Variants in EP300 observed in about 807,000 individuals in gnomAD.
EP300 encodes histone acetyltransferase p300.
Under a neutral mutation model 264.0 loss-of-function variants are expected in EP300, and 31 were observed. That is an observed-to-expected ratio of 0.12 (90% CI 0.09 to 0.16). EP300 has a LOEUF of 0.16. Ranked by LOEUF, EP300 falls within the 10% of genes least tolerant of loss-of-function variation. The pLI is 1.00. For missense variants in EP300, 2,766 were observed against 3,052.9 expected (o/e 0.91, Z 2.21); for synonymous variants, 1,340 against 1,045.4 (o/e 1.28, Z -5.44).
At chr22:41,097,851 T>C (rs1197929703) in intron 1 of EP300, among the ~76,000 whole-genome samples, 2 of 151,782 alleles carry the variant, frequency 1.3e-5, no homozygotes, top group South Asian at 2.1e-4. Context: ...CCTGCCACCA[T>C]GCCCAGCTAA....
chr22:41,129,952 T>A lies in EP300; in HGVS notation c.1231T>A (p.Cys411Ser), dbSNP rs1465737142. The A allele has an allele frequency of 6.2e-7, 1 of 1,614,058 alleles. No individual in the cohort carries two copies. The highest frequency in any genetic ancestry group is 1.7e-5 in the Admixed American group (1 of 60,010). ...SHWKNCTRHD[C>S]PVCLPLKNAG... ...CTGGAAGAATTGTACAAGACATGAT[T>A]GTCCTGTGTGTCTCCCCCTCAAAAA... The change falls in exon 5 of 31, where the codon TGT becomes AGT. Residue 411 changes from cysteine to serine, a missense_variant. Physicochemically the swap from Cys to Ser is moderately radical, Grantham distance 112 (BLOSUM62 -1). Transcript: ENST00000263253.
At chr22:41,160,767 C>G (rs753202579) in intron 20 of EP300, 45 bp downstream of exon 20, 1 of 1,544,380 alleles carries the variant, frequency 6.5e-7, no homozygotes, top group African/African-American at 1.4e-5. Context: ...AGTTTGTTGT[C>G]CAGTGATTAT....
At chr22:41,167,613 T>C (rs2059145192) in intron 23 of EP300, among the ~76,000 whole-genome samples, 2 of 50,824 alleles carry the variant, frequency 3.9e-5, no homozygotes, top group East Asian at 1.9e-3. Flanking sequence ...TATATATATA[T>C]ATATATATAT....
intron 2 of EP300, among the ~76,000 whole-genome samples, chr22:41,121,101 C>T (rs773394888): frequency 2.0e-5 from 3 of 152,096 alleles, no homozygotes; most frequent in Non-Finnish European, 4.4e-5. Context: ...GCCAGAAGTT[C>T]GAGATGTGCC....
chr22:41,157,110 T>G, intron 17 of EP300, 59 bp from the exon 18 acceptor site: 1 of 1,606,378 alleles, frequency 6.2e-7, no homozygotes, highest in Non-Finnish European at 8.5e-7. Flanking sequence ...TGGATGATAC[T>G]CCATCTCCCG....
At chr22:41,154,567 C>T (rs1441160630) in intron 16 of EP300, among the ~76,000 whole-genome samples, 3 of 151,656 alleles carry the variant, frequency 2.0e-5, no homozygotes, top group East Asian at 1.9e-4. Flanking sequence ...TTAGTAGAGA[C>T]GAGGTTTCAC....
chr22:41,125,729 G>A lies in EP300; in HGVS notation c.730-135G>A, dbSNP rs1374778818. On this transcript the variant is annotated intron_variant, in intron 2 of 30. Coordinates refer to ENST00000263253, the MANE Select transcript of EP300 (RefSeq NM_001429.4). ...GGGGTTTTGTCACGTTGCCCAAGCT[G>A]TAGTGTCTTTTCTAATAGAAGCTGA... 4.3e-6 allele frequency: 4 copies of A among 941,058 alleles called. No homozygotes were observed. The African/African-American group carries it at 5.0e-5, about 12-fold the overall frequency. The allele number at this position is 941,058 out of a possible 1,614,324, so 58.3% of individuals were successfully genotyped here.
chr22:41,178,256 T>C lies in EP300; in HGVS notation c.6545T>C (p.Ile2182Thr), dbSNP rs1443927819. 5 of 1,613,576 alleles carry C rather than the reference T, an allele frequency of 3.1e-6. No individual in the cohort carries two copies. The highest frequency in any genetic ancestry group is 4.2e-6 in the Non-Finnish European group (5 of 1,179,952). Residue 2182 changes from isoleucine to threonine, a missense_variant, in exon 31 of 31, where the codon ATC (isoleucine) becomes ACC (threonine). By Grantham distance (89) the Ile-to-Thr change is moderately conservative. Transcript: ENST00000263253. ...ACCATGCCTTCACAATTCCGAGACA[T>C]CTTGAGACGACAGCAAATGATGCAA... is the stretch of plus-strand genomic sequence containing the variant. ...HNTMPSQFRD[I>T]LRRQQMMQQQ...
intron 1 of EP300, among the ~76,000 whole-genome samples, chr22:41,106,835 AGCCT>A (rs2145683305): frequency 6.6e-6 from 1 of 152,276 alleles, no homozygotes; most frequent in Admixed American, 6.5e-5. Flanking sequence ...GGGCTCAAGC[AGCCT>A]GCCTTGGCCT....
chr22:41,160,621 G>C (rs143124671), intron 19 of EP300, 21 bp from the exon 20 acceptor site: 1 of 1,613,060 alleles, frequency 6.2e-7, no homozygotes, highest in Non-Finnish European at 8.5e-7. Context: ...GTTCACCCCA[G>C]TATGGCCTTC....
At chr22:41,112,290 A>G (rs1296897191) in intron 1 of EP300, among the ~76,000 whole-genome samples, 1 of 151,314 alleles carries the variant, frequency 6.6e-6, no homozygotes. Flanking sequence ...CCCTGGGTTC[A>G]AGCGATTCCT....
chr22:41,153,962 T>C (rs1049220579), intron 16 of EP300, among the ~76,000 whole-genome samples: 1 of 152,154 alleles, frequency 6.6e-6, no homozygotes. Flanking sequence ...AATAAGGCCC[T>C]TGCTGAAATT....
chr22:41,124,138 C>T (rs1212531170), intron 2 of EP300, among the ~76,000 whole-genome samples: 1 of 152,214 alleles, frequency 6.6e-6, no homozygotes, highest in Non-Finnish European at 1.5e-5. Flanking sequence ...GTCCCAGCTA[C>T]TCAGGCTGAG....
chr22:41,126,213 GT>G (rs202066389), intron 3 of EP300, 173 bp downstream of exon 3: 169 of 658,546 alleles, frequency 2.6e-4, no homozygotes, highest in Non-Finnish European at 7.2e-5. Context: ...CCATTTCTCT[GT>G]TTTTTTTGTT....
chr22:41,138,488 A>G (rs2058964598), intron 8 of EP300, among the ~76,000 whole-genome samples: 1 of 152,146 alleles, frequency 6.6e-6, no homozygotes, highest in South Asian at 2.1e-4. Flanking sequence ...TTATGTAAAA[A>G]TCTGGTAGGG....
At chr22:41,109,981 T>A (rs1040375372) in intron 1 of EP300, among the ~76,000 whole-genome samples, 10 of 151,752 alleles carry the variant, frequency 6.6e-5, no homozygotes, top group African/African-American at 2.4e-4. Flanking sequence ...GCCCAGCTAA[T>A]TTTTGTATTT....
At position 41,179,515 on chromosome 22, in the gene EP300, A is replaced by G. The variant is rs886057575; in HGVS notation, c.*559A>G. The G allele has an allele frequency of 1.7e-5, 3 of 175,130 alleles. No homozygotes were observed. The East Asian group carries it at 2.8e-4, about 16-fold the overall frequency. 10.8% of individuals were successfully genotyped at this position (175,130 alleles called of 1,614,324 possible). A position where few individuals can be genotyped will look rare whatever the true frequency, so the allele number is the denominator to read the frequency against. On this transcript the variant is annotated 3_prime_UTR_variant, in exon 31 of 31. Transcript: ENST00000263253. Reference sequence around the variant, plus strand: ...TTTTTCTCTGGGTGCAAAGATGTTCATTCTTTTAAAAAATGTTTAAAAAAA... The same window carrying G: ...TTTTTCTCTGGGTGCAAAGATGTTCGTTCTTTTAAAAAATGTTTAAAAAAA...
At chr22:41,124,109 A>G (rs919709950) in intron 2 of EP300, among the ~76,000 whole-genome samples, 5 of 152,208 alleles carry the variant, frequency 3.3e-5, no homozygotes, top group Admixed American at 2.0e-4. Flanking sequence ...TTAGCTGAGT[A>G]TGGCGGCGCA....
intron 1 of EP300, among the ~76,000 whole-genome samples, chr22:41,105,374 A>T (rs2058753284): frequency 6.7e-6 from 1 of 150,346 alleles, no homozygotes; most frequent in Non-Finnish European, 1.5e-5. Context: ...AAAATTCAAT[A>T]TTGAAATGTT....
Sources: gnomAD v4.1 joint callset for allele counts (sites outside exome capture counted in the v4.1 genomes callset) on GRCh38, gnomAD v4.1.1 for gene constraint, MANE v1.5 for transcripts, NCBI Gene and HGNC (gene_info 2026-07-23, HGNC 2026-07-21) for gene names.